The following SGCD variants were observed in gnomAD, a reference collection of about 807,000 sequenced individuals.
SGCD encodes sarcoglycan delta.
SGCD carries 18 observed loss-of-function variants against 36.6 expected under a neutral mutation model. That is an observed-to-expected ratio of 0.49 (90% CI 0.34 to 0.73). SGCD has a LOEUF of 0.73. Ranked by LOEUF, SGCD falls within the 30% of genes least tolerant of loss-of-function variation. The pLI, the probability that SGCD is intolerant of heterozygous loss-of-function variation, is 0.01. For missense variants in SGCD, 387 were observed against 346.7 expected, an observed-to-expected ratio of 1.12 and a Z score of -0.92; for synonymous variants, 133 against 130.6, an observed-to-expected ratio of 1.02 and a Z score of -0.12.
At chr5:156,010,589 A>G (rs567076948) in intron 1 of SGCD, among the ~76,000 whole-genome samples, 6 of 152,330 alleles carry the variant, frequency 3.9e-5, no homozygotes, top group African/African-American at 1.4e-4. Flanking sequence ...AATCTGTAAT[A>G]ACAACAGCTT....
chr5:155,799,810 CCCTTTT>C, the SGCD span, among the ~76,000 whole-genome samples: 1 of 90,276 alleles, frequency 1.1e-5, no homozygotes, highest in African/African-American at 4.2e-5. Context: ...CTTCCTATTC[CCCTTTT>C]TTTTTTTTTT....
At chr5:156,058,994 G>GA (rs1396709104) in intron 1 of SGCD, among the ~76,000 whole-genome samples, 2 of 145,480 alleles carry the variant, frequency 1.4e-5, no homozygotes, top group Non-Finnish European at 3.1e-5. Flanking sequence ...CTTATGCCTA[G>GA]AAAAAAGAGA....
intron 1 of SGCD, among the ~76,000 whole-genome samples, chr5:156,084,324 T>C (rs1226214548): frequency 6.6e-6 from 1 of 152,232 alleles, no homozygotes; most frequent in African/African-American, 2.4e-5. Context: ...TTATAAAGTT[T>C]ATGCCACAGT....
At chr5:155,854,242 A>G in the SGCD span, among the ~76,000 whole-genome samples, 4 of 152,064 alleles carry the variant, frequency 2.6e-5, no homozygotes, top group African/African-American at 9.7e-5. Context: ...TAGATGCCAG[A>G]AGCACCTTTT....
intron 3 of SGCD, among the ~76,000 whole-genome samples, chr5:156,172,850 T>C (rs1182471024): frequency 7.5e-6 from 1 of 132,556 alleles, no homozygotes; most frequent in Non-Finnish European, 1.7e-5. Context: ...TCGTGTAATT[T>C]GTTTTTTTTT....
At chr5:156,717,833 A>C (rs72803019) in intron 7 of SGCD, among the ~76,000 whole-genome samples, 2 of 151,370 alleles carry the variant, frequency 1.3e-5, no homozygotes, top group Non-Finnish European at 2.9e-5. Flanking sequence ...TGGAACCCAC[A>C]ATAGAGGCTC....
the SGCD span, among the ~76,000 whole-genome samples, chr5:155,862,880 G>T: frequency 6.6e-6 from 1 of 152,164 alleles, no homozygotes; most frequent in Non-Finnish European, 1.5e-5. Flanking sequence ...TCTGGTTTCA[G>T]CCATTTATTA....
the SGCD span, among the ~76,000 whole-genome samples, chr5:155,853,878 C>G: frequency 6.6e-6 from 1 of 152,198 alleles, no homozygotes; most frequent in South Asian, 2.1e-4. Context: ...ATGACTACAC[C>G]AACATTTTAA....
chr5:156,509,270 C>CA (rs1756834783), intron 4 of SGCD, among the ~76,000 whole-genome samples: 1 of 151,964 alleles, frequency 6.6e-6, no homozygotes, highest in Non-Finnish European at 1.5e-5. Flanking sequence ...ACTAAAAATG[C>CA]AAAAATTTGC....
At chr5:155,951,746 G>C (rs1472323508) in intron 1 of SGCD, among the ~76,000 whole-genome samples, 3 of 152,156 alleles carry the variant, frequency 2.0e-5, no homozygotes, top group Non-Finnish European at 4.4e-5. Context: ...GAGGTGGGGT[G>C]GTGCTCTGAA....
chr5:156,450,349 C>G (rs935250206), intron 3 of SGCD, among the ~76,000 whole-genome samples: 1 of 151,948 alleles, frequency 6.6e-6, no homozygotes, highest in Non-Finnish European at 1.5e-5. Flanking sequence ...TGCCCCAGCT[C>G]ACATAGGTCC....
At chr5:156,372,386 G>A (rs1295391373) in intron 3 of SGCD, among the ~76,000 whole-genome samples, 1 of 152,080 alleles carries the variant, frequency 6.6e-6, no homozygotes, top group African/African-American at 2.4e-5. Flanking sequence ...ATCAACAATG[G>A]GTAGCTTTAC....
At chr5:156,715,958 C>A (rs1755204483) in intron 7 of SGCD, among the ~76,000 whole-genome samples, 1 of 152,192 alleles carries the variant, frequency 6.6e-6, no homozygotes, top group South Asian at 2.1e-4. Flanking sequence ...GATGTTTAAA[C>A]AAATTCTTAA....
intron 3 of SGCD, among the ~76,000 whole-genome samples, chr5:156,304,252 G>C (rs1767139707): frequency 6.6e-6 from 1 of 152,192 alleles, no homozygotes; most frequent in African/African-American, 2.4e-5. Context: ...GATACAGTTT[G>C]ACTGTGTCCC....
At chr5:155,818,637 G>A in the SGCD span, among the ~76,000 whole-genome samples, 12 of 152,198 alleles carry the variant, frequency 7.9e-5, no homozygotes, top group African/African-American at 2.6e-4. Flanking sequence ...CCTCCCACCT[G>A]AGCCTCCTGA....
the SGCD span, among the ~76,000 whole-genome samples, chr5:155,783,283 C>T: frequency 2.0e-5 from 3 of 152,082 alleles, no homozygotes; most frequent in Admixed American, 6.6e-5. Flanking sequence ...CAAAGAAGGA[C>T]GAATGACAGA....
intron 1 of SGCD, among the ~76,000 whole-genome samples, chr5:155,953,287 G>A (rs934690459): frequency 6.6e-6 from 1 of 152,056 alleles, no homozygotes; most frequent in African/African-American, 2.4e-5. Context: ...TCCCTAGACT[G>A]GGAGCTAGTT....
chr5:156,073,862 C>T (rs1581080970), intron 1 of SGCD, among the ~76,000 whole-genome samples: 1 of 152,174 alleles, frequency 6.6e-6, no homozygotes, highest in Non-Finnish European at 1.5e-5. Flanking sequence ...AAGAGTTGCT[C>T]AAGGGCTCTA....
chr5:155,798,222 A>G, the SGCD span, among the ~76,000 whole-genome samples: 3 of 152,212 alleles, frequency 2.0e-5, no homozygotes, highest in African/African-American at 7.2e-5. Context: ...TTATGTTGAT[A>G]TCTCCAAGTA....
Sources: gnomAD v4.1 joint callset for allele counts (sites outside exome capture counted in the v4.1 genomes callset) on GRCh38, gnomAD v4.1.1 for gene constraint, MANE v1.5 for transcripts, NCBI Gene and HGNC (gene_info 2026-07-23, HGNC 2026-07-21) for gene names.